The following ANKRD44 variants were observed in gnomAD, a reference collection of about 807,000 sequenced individuals.
ANKRD44 encodes the protein ankyrin repeat domain 44.
ANKRD44 carries 35 observed loss-of-function variants against 116.0 expected under a neutral mutation model. That is an observed-to-expected ratio of 0.30 (90% CI 0.23 to 0.40). The LOEUF is 0.40. ANKRD44 is among the 10% of genes least tolerant of loss of function. The probability of loss-of-function intolerance (pLI) is 1.00; values close to 1 mark genes in which losing one functional copy is unlikely to be tolerated. For missense variants in ANKRD44, 1,014 were observed against 1,242.6 expected (o/e 0.82, Z 2.77); for synonymous variants, 435 against 461.8 (o/e 0.94, Z 0.74).
At chr2:197,027,422 T>C (rs990194673) in intron 16 of ANKRD44, among the ~76,000 whole-genome samples, 1 of 152,058 alleles carries the variant, frequency 6.6e-6, no homozygotes, top group African/African-American at 2.4e-5. Flanking sequence ...GCTCAGGGTA[T>C]TTAAAGCCAT....
At chr2:197,199,019 C>T (rs767667171) in intron 1 of ANKRD44, 1 of 152,224 alleles carries the variant, frequency 6.6e-6, no homozygotes, top group Non-Finnish European at 1.5e-5. Flanking sequence ...CAAGCTCCTT[C>T]TCTCTTGTGG....
Position 196,993,608 on chromosome 2 carries a change from G to C in ANKRD44, c.2898C>G (p.Ala966=), listed in dbSNP as rs1057347619. The change falls in exon 27 of 28, where the codon GCC becomes GCG. Residue 966 remains alanine, a synonymous_variant. Coordinates refer to ENST00000282272, the MANE Select transcript of ANKRD44 (RefSeq NM_001195144.2). ...VVVEELLAKG[A]CVLAVDENAS... Reference sequence around the variant, plus strand: ...CATTTTCATCTACAGCAAGTACACAGGCCCCTTTGGCCAGCAACTCCTCAA... The same window carrying C: ...CATTTTCATCTACAGCAAGTACACACGCCCCTTTGGCCAGCAACTCCTCAA... The C allele has an allele frequency of 6.4e-7, 1 of 1,550,956 alleles. No homozygotes were observed. The highest frequency in any genetic ancestry group is 8.7e-7 in the Non-Finnish European group (1 of 1,147,040).
At chr2:196,998,022 T>C (rs955142061) in intron 25 of ANKRD44, among the ~76,000 whole-genome samples, 1 of 152,172 alleles carries the variant, frequency 6.6e-6, no homozygotes, top group African/African-American at 2.4e-5. Context: ...GGTACCAAAA[T>C]GTGGTACAAC....
chr2:197,154,540 TC>T (rs931454701), intron 2 of ANKRD44, among the ~76,000 whole-genome samples: 1 of 152,146 alleles, frequency 6.6e-6, no homozygotes, highest in Non-Finnish European at 1.5e-5. Context: ...TCTGGTTTTT[TC>T]AACTGCGAAC....
chr2:196,970,112 T>C (rs909814170), intron 21 of ANKRD44, among the ~76,000 whole-genome samples: 5 of 152,226 alleles, frequency 3.3e-5, no homozygotes, highest in African/African-American at 1.2e-4. Flanking sequence ...AAATTTGTCA[T>C]GCTGCGGTTA....
chr2:197,263,002 G>A (rs1165130425), intron 1 of ANKRD44: 1 of 226,252 alleles, frequency 4.4e-6, no homozygotes, highest in South Asian at 5.8e-5. Flanking sequence ...ATATCATATT[G>A]CATGATATGC....
At chr2:197,193,755 G>A (rs1434769504) in intron 1 of ANKRD44, among the ~76,000 whole-genome samples, 2 of 151,992 alleles carry the variant, frequency 1.3e-5, no homozygotes, top group Non-Finnish European at 2.9e-5. Context: ...GGTGGCGGTC[G>A]CCCGTAGTCC....
At chr2:197,234,744 A>C (rs10497805) in intron 1 of ANKRD44, among the ~76,000 whole-genome samples, 5 of 152,150 alleles carry the variant, frequency 3.3e-5, no homozygotes, top group African/African-American at 1.2e-4. Flanking sequence ...TTAGGTTGCT[A>C]ATAGACTCCA....
In ANKRD44 at chr2:197,005,770, T is replaced by A. The variant is rs2076190487; in HGVS notation, c.2271A>T (p.Gln757His). ...GHATWLSELLQMALSEEDCCF... is the reference protein window; with the variant it reads ...GHATWLSELLHMALSEEDCCF... ...AACAGTCCTCCTCAGAAAGAGCCAT[T>A]TGGAGCAGCTCGCTCAGCCACGTGG... The change falls in exon 21 of 28, where the codon CAA (glutamine) becomes CAT (histidine). Residue 757 changes from glutamine to histidine, a missense_variant. Gln to His is a conservative substitution (Grantham distance 24). Transcript: ENST00000282272. 6.2e-7 allele frequency: 1 copy of A among 1,613,946 alleles called. No homozygotes were observed. Among genetic ancestry groups the A allele is most frequent in the Non-Finnish European group, 8.5e-7 (1 of 1,180,006 alleles).
chr2:197,256,071 G>T (rs981433432), intron 1 of ANKRD44, among the ~76,000 whole-genome samples: 1 of 152,204 alleles, frequency 6.6e-6, no homozygotes, highest in African/African-American at 2.4e-5. Context: ...TGGTTTGTGA[G>T]AAAATGTGTG....
chr2:197,223,851 G>A (rs1042183198), intron 1 of ANKRD44, among the ~76,000 whole-genome samples: 3 of 152,156 alleles, frequency 2.0e-5, no homozygotes, highest in Non-Finnish European at 4.4e-5. Context: ...TATTTGTTGT[G>A]TGCTTTCACC....
chr2:197,265,277 TC>T (rs2082713222), intron 1 of ANKRD44, among the ~76,000 whole-genome samples: 1 of 151,490 alleles, frequency 6.6e-6, no homozygotes, highest in Non-Finnish European at 1.5e-5. Flanking sequence ...GACAGAGTCT[TC>T]CTCTGTCAGC....
At position 197,121,515 on chromosome 2, in the gene ANKRD44, T is replaced by C; in HGVS notation, c.723A>G (p.Thr241=). The change falls in exon 8 of 28, where the codon ACA becomes ACG. Residue 241 remains threonine (T), a synonymous_variant. Transcript: ENST00000282272. Reference sequence around the variant, plus strand: ...CATTGTAGCAGGCGATGTGAAGCGCTGTATTTCCATAGACATTGATTTCAT... The same window carrying C: ...CATTGTAGCAGGCGATGTGAAGCGCCGTATTTCCATAGACATTGATTTCAT... ...EIDEINVYGN[T]ALHIACYNGQ... 3.1e-6 allele frequency: 5 copies of C among 1,614,196 alleles called. No individual in the cohort carries two copies. Among genetic ancestry groups the C allele is most frequent in the African/African-American group, 1.3e-5 (1 of 75,058 alleles).
At chr2:197,107,411 G>T (rs1187942814) in intron 9 of ANKRD44, among the ~76,000 whole-genome samples, 1 of 152,144 alleles carries the variant, frequency 6.6e-6, no homozygotes, top group African/African-American at 2.4e-5. Flanking sequence ...TGCTGTCTTT[G>T]GTCAGTTGCT....
At chr2:197,169,658 C>T (rs933071426) in intron 2 of ANKRD44, among the ~76,000 whole-genome samples, 2 of 152,146 alleles carry the variant, frequency 1.3e-5, no homozygotes, top group Admixed American at 6.5e-5. Flanking sequence ...TCAGCATCAC[C>T]GGAACTTACT....
At chr2:197,027,763 A>T (rs4850408) in intron 16 of ANKRD44, among the ~76,000 whole-genome samples, 125,454 of 150,464 alleles carry the variant, frequency 0.83, 52,716 homozygotes, top group East Asian at 0.96. Flanking sequence ...TTCAGCCTAC[A>T]GCAGCCTCAA....
chr2:197,093,451 G>A (rs1202471255), intron 10 of ANKRD44, among the ~76,000 whole-genome samples: 2 of 152,024 alleles, frequency 1.3e-5, no homozygotes, highest in Non-Finnish European at 2.9e-5. Flanking sequence ...AGATGAAAGA[G>A]ATAGAACTAC....
intron 1 of ANKRD44, among the ~76,000 whole-genome samples, chr2:197,257,901 C>G (rs915125805): frequency 6.6e-6 from 1 of 152,086 alleles, no homozygotes; most frequent in South Asian, 2.1e-4. Flanking sequence ...ATTGCCTCCC[C>G]CCTTTATCCC....
At chr2:197,276,548 A>G (rs1482853044) in intron 1 of ANKRD44, among the ~76,000 whole-genome samples, 1 of 152,178 alleles carries the variant, frequency 6.6e-6, no homozygotes, top group South Asian at 2.1e-4. Flanking sequence ...AAACTGATTT[A>G]TGAGCAAAAA....
Sources: allele counts gnomAD v4.1 joint callset (sites outside exome capture counted in the v4.1 genomes callset), GRCh38; gene constraint gnomAD v4.1.1; transcripts MANE v1.5; gene names NCBI Gene and HGNC (gene_info 2026-07-23, HGNC 2026-07-21).